MECOM: variants seen among roughly 807,000 people sequenced by gnomAD.
MECOM encodes histone-lysine N-methyltransferase MECOM.
A neutral mutation model predicts 116.3 loss-of-function variants in MECOM; 13 were observed. The observed-to-expected ratio is 0.11, with a 90% CI of 0.07 to 0.18. The LOEUF (loss-of-function observed/expected upper bound fraction) is 0.18. Among genes scored for constraint, MECOM ranks in the 10% least tolerant of loss-of-function variants. The probability of loss-of-function intolerance (pLI) is 1.00; values close to 1 mark genes in which losing one functional copy is unlikely to be tolerated. For synonymous variants in MECOM, 528 were observed against 535.2 expected, an observed-to-expected ratio of 0.99 and a Z score of 0.19; for missense variants, 1,299 against 1,509.0, an observed-to-expected ratio of 0.86 and a Z score of 2.31.
chr3:169,339,866 A>G (rs1724198162), intron 2 of MECOM, among the ~76,000 whole-genome samples: 1 of 152,178 alleles, frequency 6.6e-6, no homozygotes, highest in Admixed American at 6.6e-5. Context: ...TAAATTTTAT[A>G]TTGTCTAAAG....
intron 2 of MECOM, chr3:169,147,849 A>T (rs1577178440): frequency 2.2e-4 from 11 of 49,170 alleles, no homozygotes; most frequent in Non-Finnish European, 2.9e-4. Flanking sequence ...GCACCGAGGC[A>T]GGAGGGGGCG....
chr3:169,096,019 T>C (rs1204511493), intron 12 of MECOM, among the ~76,000 whole-genome samples: 5 of 150,920 alleles, frequency 3.3e-5, no homozygotes, highest in African/African-American at 1.2e-4. Flanking sequence ...GGTTAGTTGT[T>C]TCTGTCTTCC....
chr3:169,631,018 A>G (rs1263403968), intron 1 of MECOM, among the ~76,000 whole-genome samples: 1 of 152,240 alleles, frequency 6.6e-6, no homozygotes, highest in Non-Finnish European at 1.5e-5. Context: ...AGGGAAGCAT[A>G]TTGATGTCCT....
At chr3:169,332,051 T>G (rs1232081756) in intron 2 of MECOM, among the ~76,000 whole-genome samples, 1 of 151,078 alleles carries the variant, frequency 6.6e-6, no homozygotes, top group Non-Finnish European at 1.5e-5. Context: ...CTACAGACTC[T>G]TATCCTAAAA....
intron 1 of MECOM, among the ~76,000 whole-genome samples, chr3:169,487,383 CA>C (rs1482069186): frequency 6.9e-6 from 1 of 144,640 alleles, no homozygotes; most frequent in East Asian, 2.0e-4. Flanking sequence ...AAACTGGGGG[CA>C]GGGGAGGGGG....
intron 1 of MECOM, among the ~76,000 whole-genome samples, chr3:169,619,563 G>A (rs1052045801): frequency 1.3e-5 from 2 of 151,616 alleles, no homozygotes; most frequent in African/African-American, 4.9e-5. Context: ...TTTAACAAAG[G>A]CAGGCCACCA....
At chr3:169,132,237 G>A (rs1353832764) in intron 3 of MECOM, among the ~76,000 whole-genome samples, 1 of 152,124 alleles carries the variant, frequency 6.6e-6, no homozygotes, top group Non-Finnish European at 1.5e-5. Context: ...AAGTGCTGAG[G>A]AGAGGAAGCA....
At chr3:169,294,068 AC>A (rs1371720118) in intron 2 of MECOM, among the ~76,000 whole-genome samples, 1 of 152,230 alleles carries the variant, frequency 6.6e-6, no homozygotes, top group African/African-American at 2.4e-5. Flanking sequence ...ACTTCTTAGA[AC>A]AACTATATGA....
chr3:169,619,342 C>G (rs1254713182), intron 1 of MECOM, among the ~76,000 whole-genome samples: 1 of 152,176 alleles, frequency 6.6e-6, no homozygotes, highest in East Asian at 1.9e-4. Flanking sequence ...TCACACAGCT[C>G]CACATCCCAC....
intron 6 of MECOM, among the ~76,000 whole-genome samples, chr3:169,121,749 A>C (rs1303909300): frequency 6.6e-6 from 1 of 152,238 alleles, no homozygotes; most frequent in African/African-American, 2.4e-5. Flanking sequence ...CACATCTGAG[A>C]GCAAAACATC....
chr3:169,496,204 C>T (rs1753789186), intron 1 of MECOM, among the ~76,000 whole-genome samples: 1 of 152,200 alleles, frequency 6.6e-6, no homozygotes, highest in African/African-American at 2.4e-5. Flanking sequence ...CAGAGTCTAT[C>T]AGGAGTTCAC....
rs1251690070 is a variant in MECOM at position 169,083,900 on chromosome 3, G to A, written c.*1009C>T. On this transcript the variant is annotated 3_prime_UTR_variant, in exon 17 of 17. Coordinates refer to ENST00000651503, the MANE Select transcript of MECOM (RefSeq NM_004991.4). The stretch of plus-strand genomic sequence containing the variant: ...ATTTCAGTATTACAAAAACTAAGTT[G>A]CATCTATTCGTATTTAGTTCATTAA... 4 of 222,090 alleles carry A rather than the reference G, an allele frequency of 1.8e-5. No homozygotes were observed. The highest frequency in any genetic ancestry group is 8.9e-5 in the African/African-American group (4 of 44,724). The allele number at this position is 222,090 out of a possible 1,614,324, so 13.8% of individuals were successfully genotyped here. A position where few individuals can be genotyped will look rare whatever the true frequency, so the allele number is the denominator to read the frequency against.
intron 1 of MECOM, among the ~76,000 whole-genome samples, chr3:169,471,158 A>AT (rs1267383786): frequency 6.6e-6 from 1 of 151,780 alleles, no homozygotes; most frequent in East Asian, 1.9e-4. Flanking sequence ...TGCCCGTCTG[A>AT]TTTTTTGTAT....
chr3:169,536,272 G>C (rs1202869016), intron 1 of MECOM, among the ~76,000 whole-genome samples: 1 of 149,832 alleles, frequency 6.7e-6, no homozygotes, highest in African/African-American at 2.5e-5. Flanking sequence ...CAGCAAAATA[G>C]TATTATTTTA....
chr3:169,589,308 A>C (rs894430410), intron 1 of MECOM, among the ~76,000 whole-genome samples: 1 of 152,072 alleles, frequency 6.6e-6, no homozygotes, highest in African/African-American at 2.4e-5. Context: ...GCTTTGCAGC[A>C]TAAGAGCTAG....
intron 12 of MECOM, among the ~76,000 whole-genome samples, chr3:169,096,671 A>C (rs1346711886): frequency 6.6e-6 from 1 of 152,174 alleles, no homozygotes; most frequent in African/African-American, 2.4e-5. Context: ...TTCTGAATGC[A>C]GAGTCAGTGG....
chr3:169,291,651 G>A (rs866134239), intron 2 of MECOM, among the ~76,000 whole-genome samples: 10 of 152,170 alleles, frequency 6.6e-5, no homozygotes, highest in Non-Finnish European at 1.5e-4. Flanking sequence ...ATTGGATATA[G>A]TCATTGTTAT....
intron 2 of MECOM, among the ~76,000 whole-genome samples, chr3:169,342,618 C>G (rs570481825): frequency 1.3e-5 from 2 of 152,174 alleles, no homozygotes. Flanking sequence ...AAAGCAACTG[C>G]TTGATGATAT....
intron 2 of MECOM, among the ~76,000 whole-genome samples, chr3:169,205,911 C>T (rs1314614225): frequency 6.6e-6 from 1 of 152,138 alleles, no homozygotes; most frequent in Non-Finnish European, 1.5e-5. Flanking sequence ...AAAATGTTCA[C>T]CCCAAAAAGG....
Sources: allele counts gnomAD v4.1 joint callset (sites outside exome capture counted in the v4.1 genomes callset), GRCh38; gene constraint gnomAD v4.1.1; transcripts MANE v1.5; gene names NCBI Gene and HGNC (gene_info 2026-07-23, HGNC 2026-07-21).